Variants in GPHN observed in about 807,000 individuals in gnomAD.
GPHN encodes gephyrin.
In GPHN, 17 loss-of-function variants were observed where a neutral mutation model predicts 95.5. The observed-to-expected ratio is 0.18, with a 90% CI of 0.12 to 0.27. GPHN has a LOEUF of 0.27. Ranked by LOEUF, GPHN falls within the 10% of genes least tolerant of loss-of-function variation. The pLI, the probability that GPHN is intolerant of heterozygous loss-of-function variation, is 1.00. For missense variants in GPHN, 660 were observed against 978.1 expected, an observed-to-expected ratio of 0.67 and a Z score of 4.34; for synonymous variants, 320 against 322.5, an observed-to-expected ratio of 0.99 and a Z score of 0.08.
chr14:67,690,617 A>G, the GPHN span: 69 of 578,768 alleles, frequency 1.2e-4, no homozygotes, highest in African/African-American at 1.1e-3. Context: ...AGGCATCCTT[A>G]TATGAGCGAG....
chr14:66,873,788 C>T (rs1286008871), intron 4 of GPHN, among the ~76,000 whole-genome samples: 1 of 152,152 alleles, frequency 6.6e-6, no homozygotes, highest in African/African-American at 2.4e-5. Context: ...ACTCCCATCT[C>T]CCTGGGACAG....
the GPHN span, chr14:67,725,221 T>A: frequency 4.3e-6 from 7 of 1,613,792 alleles, 1 homozygote; most frequent in South Asian, 7.7e-5. Flanking sequence ...CGACACCAAA[T>A]CTATCCGAGC....
At chr14:66,697,708 G>A (rs1248770230) in intron 2 of GPHN, among the ~76,000 whole-genome samples, 1 of 132,452 alleles carries the variant, frequency 7.5e-6, no homozygotes, top group African/African-American at 3.1e-5. Context: ...TTTTTTTTGA[G>A]ATGAGGTCTA....
chr14:66,765,015 A>G (rs2058910340), intron 2 of GPHN, among the ~76,000 whole-genome samples: 1 of 152,188 alleles, frequency 6.6e-6, no homozygotes, highest in Non-Finnish European at 1.5e-5. Flanking sequence ...CCAGATAATA[A>G]AAAAATGAAA....
At chr14:67,281,471 A>G in the GPHN span, among the ~76,000 whole-genome samples, 1 of 151,970 alleles carries the variant, frequency 6.6e-6, no homozygotes, top group Admixed American at 6.5e-5. Context: ...TTCATTCCTG[A>G]TTGCTTCTTA....
At chr14:67,031,000 T>TTTG (rs2074169537) in intron 10 of GPHN, among the ~76,000 whole-genome samples, 2 of 150,120 alleles carry the variant, frequency 1.3e-5, no homozygotes, top group Admixed American at 6.6e-5. Flanking sequence ...ATACTGGGGG[T>TTTG]TTTGTTTGTT....
chr14:67,620,065 G>A, the GPHN span: 1 of 1,610,190 alleles, frequency 6.2e-7, no homozygotes, highest in South Asian at 1.1e-5. Context: ...GGCTGTGATA[G>A]GAGCCCCGTT....
chr14:67,652,817 G>A, the GPHN span, among the ~76,000 whole-genome samples: 4,275 of 151,614 alleles, frequency 0.028, 217 homozygotes, highest in African/African-American at 0.098. Context: ...TTTTTGAGAC[G>A]GAGTCTCGCT....
intron 4 of GPHN, among the ~76,000 whole-genome samples, chr14:66,852,177 G>A (rs1020267399): frequency 1.3e-5 from 2 of 152,204 alleles, no homozygotes; most frequent in Admixed American, 6.5e-5. Flanking sequence ...GATATCATTA[G>A]TTGAGAATAA....
chr14:67,083,377 C>G (rs1472564444), intron 11 of GPHN, among the ~76,000 whole-genome samples: 1 of 152,038 alleles, frequency 6.6e-6, no homozygotes, highest in South Asian at 2.1e-4. Context: ...GGCACCTGCC[C>G]CCTCTCTCTC....
At chr14:67,340,435 C>A in the GPHN span, 1 of 1,612,238 alleles carries the variant, frequency 6.2e-7, no homozygotes. Context: ...CCAATTTCAA[C>A]AAACCTATAG....
chr14:67,056,982 C>T (rs945402856), intron 10 of GPHN, among the ~76,000 whole-genome samples: 6 of 152,196 alleles, frequency 3.9e-5, no homozygotes, highest in Admixed American at 6.5e-5. Flanking sequence ...CACTGCAGGG[C>T]CCGCCGTACC....
intron 1 of GPHN, among the ~76,000 whole-genome samples, chr14:66,554,685 T>C (rs1304113434): frequency 6.6e-6 from 1 of 152,210 alleles, no homozygotes; most frequent in Non-Finnish European, 1.5e-5. Flanking sequence ...AGATGAGACT[T>C]GGATACAAAG....
intron 1 of GPHN, among the ~76,000 whole-genome samples, chr14:66,555,895 A>G (rs1327344649): frequency 6.6e-6 from 1 of 152,112 alleles, no homozygotes; most frequent in African/African-American, 2.4e-5. Flanking sequence ...TTGCTTAGCA[A>G]TGGGGATGTA....
At chr14:66,886,610 A>G (rs751493539) in intron 5 of GPHN, among the ~76,000 whole-genome samples, 2 of 152,178 alleles carry the variant, frequency 1.3e-5, no homozygotes, top group Non-Finnish European at 2.9e-5. Flanking sequence ...CATTAGTGGG[A>G]TTCAAAAGCA....
the GPHN span, among the ~76,000 whole-genome samples, chr14:67,411,294 G>T: frequency 6.6e-6 from 1 of 152,190 alleles, no homozygotes; most frequent in African/African-American, 2.4e-5. Context: ...TGGTGGGGAA[G>T]GACTGAGGAG....
the GPHN span, among the ~76,000 whole-genome samples, chr14:67,519,384 G>T: frequency 6.6e-6 from 1 of 152,234 alleles, no homozygotes; most frequent in Non-Finnish European, 1.5e-5. Flanking sequence ...CAGGTAATGG[G>T]AAGTAATCGA....
intron 1 of GPHN, among the ~76,000 whole-genome samples, chr14:66,594,222 TAA>T (rs2061876673): frequency 6.6e-6 from 1 of 152,138 alleles, no homozygotes; most frequent in Non-Finnish European, 1.5e-5. Flanking sequence ...TGAACATTGT[TAA>T]AGTGTCTCTA....
chr14:67,122,089 A>G (rs543901343), intron 16 of GPHN, among the ~76,000 whole-genome samples, 167 bp from the exon 17 acceptor site: 20 of 152,230 alleles, frequency 1.3e-4, no homozygotes, highest in South Asian at 8.3e-4. Context: ...TCATCCTCCT[A>G]TACTTTCAAT....
Sources: gnomAD v4.1 joint callset for allele counts (sites outside exome capture counted in the v4.1 genomes callset) on GRCh38, gnomAD v4.1.1 for gene constraint, MANE v1.5 for transcripts, NCBI Gene and HGNC (gene_info 2026-07-23, HGNC 2026-07-21) for gene names.